Variants in FSTL5 observed in about 807,000 individuals in gnomAD.
FSTL5 encodes the protein follistatin-related protein 5.
A neutral mutation model predicts 89.1 loss-of-function variants in FSTL5; 62 were observed. The ratio of observed to expected loss-of-function variants is 0.70; its 90% CI spans 0.57 to 0.86. The LOEUF is 0.86. Ranked by LOEUF, FSTL5 falls within the 40% of genes least tolerant of loss-of-function variation. The pLI is 0.00. For missense variants in FSTL5, 1,057 were observed against 1,001.6 expected (o/e 1.06, Z -0.75); for synonymous variants, 383 against 346.2 (o/e 1.11, Z -1.18).
In FSTL5 at chr4:161,864,773, G is replaced by A. The variant is rs144942600; in HGVS notation, c.409+55631C>T. On this transcript the variant is annotated intron_variant, in intron 4 of 15. Transcript: ENST00000306100. ...TGTAGTCCCAGTTACTCGGGAGGCC[G>A]AGGCAGGAGAATCACTTGAACCCGG... Among the ~76,000 whole-genome samples the A allele has an allele frequency of 8.1e-3, 1,222 of 151,600 alleles. 5 individuals are homozygous for A. Among genetic ancestry groups the A allele is most frequent in the Non-Finnish European group, 0.013 (916 of 67,956 alleles).
At chr4:161,835,732 T>C (rs1356691673) in intron 4 of FSTL5, among the ~76,000 whole-genome samples, 3 of 152,126 alleles carry the variant, frequency 2.0e-5, no homozygotes, top group Non-Finnish European at 4.4e-5. Flanking sequence ...ATCAGACAAA[T>C]GCAAATCAAA....
At chr4:161,695,229 C>G (rs889074171) in intron 6 of FSTL5, among the ~76,000 whole-genome samples, 1 of 151,994 alleles carries the variant, frequency 6.6e-6, no homozygotes, top group Non-Finnish European at 1.5e-5. Flanking sequence ...TCCCCCGAGT[C>G]CCCAAAGTCC....
chr4:161,674,793 A>G (rs1737243958), intron 6 of FSTL5, among the ~76,000 whole-genome samples: 1 of 152,176 alleles, frequency 6.6e-6, no homozygotes, highest in African/African-American at 2.4e-5. Context: ...AGAGAAATGA[A>G]GAAGATGCTT....
chr4:161,732,008 C>A (rs1342185720), intron 6 of FSTL5, among the ~76,000 whole-genome samples: 1 of 151,948 alleles, frequency 6.6e-6, no homozygotes, highest in East Asian at 1.9e-4. Context: ...ATTCTTCTTT[C>A]ATTTTTCATC....
intron 3 of FSTL5, among the ~76,000 whole-genome samples, chr4:161,998,213 T>C (rs1022781404): frequency 6.6e-6 from 1 of 152,196 alleles, no homozygotes; most frequent in Non-Finnish European, 1.5e-5. Flanking sequence ...TTTCACCTAA[T>C]TGTATACCCC....
intron 10 of FSTL5, among the ~76,000 whole-genome samples, chr4:161,520,087 G>A (rs1022131979): frequency 5.3e-5 from 8 of 151,946 alleles, no homozygotes; most frequent in African/African-American, 1.9e-4. Flanking sequence ...CTTTAGTTAG[G>A]GCTATATGAG....
intron 8 of FSTL5, among the ~76,000 whole-genome samples, chr4:161,548,590 A>T (rs1732087263): frequency 6.6e-6 from 1 of 151,858 alleles, no homozygotes; most frequent in African/African-American, 2.4e-5. Context: ...GTTATGTCAT[A>T]GGTAGTTAGA....
chr4:161,418,675 C>G (rs1407196010), intron 15 of FSTL5, among the ~76,000 whole-genome samples: 1 of 152,014 alleles, frequency 6.6e-6, no homozygotes, highest in Non-Finnish European at 1.5e-5. Context: ...GTTCATATTA[C>G]TTTGTCTATG....
chr4:161,610,837 G>A (rs574412159), intron 7 of FSTL5, among the ~76,000 whole-genome samples: 5 of 151,622 alleles, frequency 3.3e-5, no homozygotes, highest in Non-Finnish European at 5.9e-5. Flanking sequence ...TTTATGTGCT[G>A]TAATTTATAT....
chr4:162,035,689 A>T (rs1297250027), intron 2 of FSTL5, among the ~76,000 whole-genome samples: 1 of 152,072 alleles, frequency 6.6e-6, no homozygotes, highest in Non-Finnish European at 1.5e-5. Context: ...TATCTGAATT[A>T]CTTTTAAATA....
chr4:161,697,982 T>A (rs971181600), intron 6 of FSTL5, among the ~76,000 whole-genome samples: 10 of 151,410 alleles, frequency 6.6e-5, no homozygotes, highest in African/African-American at 1.7e-4. Context: ...TGTTATGGAG[T>A]CACTGTGTTC....
At chr4:161,426,127 G>A (rs548774091) in intron 15 of FSTL5, among the ~76,000 whole-genome samples, 2 of 152,028 alleles carry the variant, frequency 1.3e-5, no homozygotes, top group African/African-American at 4.8e-5. Context: ...AAACATTTTT[G>A]TATCTGCATA....
At chr4:162,020,569 G>C (rs571594939) in intron 3 of FSTL5, among the ~76,000 whole-genome samples, 18 of 152,156 alleles carry the variant, frequency 1.2e-4, no homozygotes, top group South Asian at 1.0e-3. Context: ...AATTAGAGAA[G>C]AGAAAATGGA....
At chr4:161,417,964 T>G (rs938941687) in intron 15 of FSTL5, among the ~76,000 whole-genome samples, 2 of 152,158 alleles carry the variant, frequency 1.3e-5, no homozygotes, top group Non-Finnish European at 2.9e-5. Context: ...TTCAACAAGG[T>G]TGTTTAGTTC....
intron 4 of FSTL5, among the ~76,000 whole-genome samples, chr4:161,904,382 A>G (rs1013091953): frequency 6.6e-6 from 1 of 152,130 alleles, no homozygotes; most frequent in East Asian, 1.9e-4. Flanking sequence ...GGAGTTTGTA[A>G]TTAGAAATGG....
Position 161,998,857 on chromosome 4 carries a change from AACACACACAC to A in FSTL5, c.160+34758_160+34767del, listed in dbSNP as rs10585971. 5.3e-3 allele frequency among the ~76,000 whole-genome samples: 778 copies of A among 146,580 alleles called. 4 individuals are homozygous for A. Among genetic ancestry groups the A allele is most frequent in the African/African-American group, 0.017 (675 of 39,898 alleles). ...TGGTGAAGCAGTTAAACACACACAC[AACACACACAC>A]ACACACACACACACACACACACACA... is the stretch of plus-strand genomic sequence containing the variant. On this transcript the variant is annotated intron_variant, in intron 3 of 15. Transcript: ENST00000306100.
chr4:161,823,938 A>C (rs1162598397), intron 4 of FSTL5, among the ~76,000 whole-genome samples: 1 of 152,210 alleles, frequency 6.6e-6, no homozygotes, highest in Non-Finnish European at 1.5e-5. Context: ...ATAGATTACA[A>C]AGATTTTTTC....
At chr4:161,738,152 T>C (rs1013037511) in intron 6 of FSTL5, among the ~76,000 whole-genome samples, 4 of 152,102 alleles carry the variant, frequency 2.6e-5, no homozygotes, top group Admixed American at 1.3e-4. Context: ...GTATATTCTT[T>C]TACTATTAAT....
At chr4:161,527,443 T>TA (rs1272456856) in intron 10 of FSTL5, among the ~76,000 whole-genome samples, 1 of 151,930 alleles carries the variant, frequency 6.6e-6, no homozygotes, top group African/African-American at 2.4e-5. Context: ...CAAACAAATT[T>TA]ACAAGAAAAA....
Sources: gnomAD v4.1 joint callset for allele counts (sites outside exome capture counted in the v4.1 genomes callset) on GRCh38, gnomAD v4.1.1 for gene constraint, MANE v1.5 for transcripts, NCBI Gene and HGNC (gene_info 2026-07-23, HGNC 2026-07-21) for gene names.